ASH1L: variants seen among roughly 807,000 people sequenced by gnomAD.
ASH1L encodes ASH1 like histone lysine methyltransferase, also known as histone-lysine N-methyltransferase ASH1L.
In ASH1L, 23 loss-of-function variants were observed where a neutral mutation model predicts 269.0. The ratio of observed to expected loss-of-function variants is 0.09; its 90% confidence interval spans 0.06 to 0.12. The LOEUF is 0.12. Among genes scored for constraint, ASH1L ranks in the 10% least tolerant of loss-of-function variants. The pLI, the probability that ASH1L is intolerant of heterozygous loss-of-function variation, is 1.00. For missense variants in ASH1L, 2,912 were observed against 3,567.8 expected, an observed-to-expected ratio of 0.82 and a Z score of 4.68; for synonymous variants, 1,187 against 1,253.5, an observed-to-expected ratio of 0.95 and a Z score of 1.12.
At chr1:155,491,353 A>G (rs147091722) in intron 2 of ASH1L, among the ~76,000 whole-genome samples, 3,120 of 152,182 alleles carry the variant, frequency 0.021, 105 homozygotes, top group African/African-American at 0.072. Context: ...CTCCTGCCTC[A>G]GCCTCCCAAA....
chr1:155,374,506 C>T (rs545190883), intron 10 of ASH1L, among the ~76,000 whole-genome samples: 2 of 152,296 alleles, frequency 1.3e-5, no homozygotes, highest in African/African-American at 4.8e-5. Flanking sequence ...CTGGATTATT[C>T]TTCAATTTAA....
At chr1:155,446,300 ATT>A (rs35106620) in intron 4 of ASH1L, among the ~76,000 whole-genome samples, 20 of 139,900 alleles carry the variant, frequency 1.4e-4, no homozygotes, top group Non-Finnish European at 1.6e-4. Context: ...AATTAATTAA[ATT>A]TTTTTTTTTT....
At chr1:155,544,535 C>T (rs1423064307) in intron 1 of ASH1L, among the ~76,000 whole-genome samples, 1 of 152,016 alleles carries the variant, frequency 6.6e-6, no homozygotes, top group African/African-American at 2.4e-5. Flanking sequence ...GATCTGCCCG[C>T]CTCAGCCTCC....
At chr1:155,471,926 T>C (rs1665131591) in intron 3 of ASH1L, among the ~76,000 whole-genome samples, 1 of 152,150 alleles carries the variant, frequency 6.6e-6, no homozygotes, top group Non-Finnish European at 1.5e-5. Context: ...AACATCCAAT[T>C]GGTGATAGAG....
intron 3 of ASH1L, among the ~76,000 whole-genome samples, chr1:155,475,009 G>A (rs1483653828): frequency 6.6e-6 from 1 of 152,144 alleles, no homozygotes; most frequent in African/African-American, 2.4e-5. Context: ...TTAACACATT[G>A]TTTGGTCTCT....
intron 7 of ASH1L, among the ~76,000 whole-genome samples, chr1:155,383,227 T>C (rs1019523788): frequency 1.3e-5 from 2 of 151,682 alleles, no homozygotes; most frequent in Non-Finnish European, 3.0e-5. Flanking sequence ...AACTTAACTA[T>C]TGAGGAACAA....
intron 20 of ASH1L, 64 bp downstream of exon 20, chr1:155,347,592 C>T (rs1653470155): frequency 6.3e-7 from 1 of 1,597,594 alleles, no homozygotes; most frequent in Non-Finnish European, 8.5e-7. Context: ...GCATGGGCTT[C>T]TTCTTTGAAT....
intron 4 of ASH1L, among the ~76,000 whole-genome samples, chr1:155,441,284 T>C (rs529849380): frequency 4.0e-5 from 6 of 151,620 alleles, no homozygotes; most frequent in Non-Finnish European, 8.8e-5. Flanking sequence ...GGTCTGTCTC[T>C]CTCTCTATCT....
In ASH1L at chr1:155,480,605, A is replaced by G; in HGVS notation, c.2265T>C (p.Ser755=). 6.2e-7 allele frequency: 1 copy of G among 1,614,182 alleles called. No individual in the cohort carries two copies. Among genetic ancestry groups the G allele is most frequent in the Non-Finnish European group, 8.5e-7 (1 of 1,179,992 alleles). The change falls in exon 3 of 28, where the codon TCT becomes TCC. Residue 755 remains serine (S), a synonymous_variant. Coordinates refer to ENST00000392403, the MANE Select transcript of ASH1L (RefSeq NM_018489.3). ...TGTTTTTCATAAACTTGGCTGGCTC[A>G]GAATTACTATTTGATAGTGAGCTAC... ...VSCSSLSNSN[S]EPAKFMKNIG... is the part of the protein sequence containing the mutation.
intron 1 of ASH1L, among the ~76,000 whole-genome samples, chr1:155,545,065 G>A (rs925768287): frequency 5.3e-5 from 8 of 150,352 alleles, no homozygotes; most frequent in Non-Finnish European, 1.0e-4. Context: ...CCAGCTACTC[G>A]GGAGGCTGAG....
At chr1:155,511,415 T>C (rs1015423326) in intron 2 of ASH1L, among the ~76,000 whole-genome samples, 1 of 152,248 alleles carries the variant, frequency 6.6e-6, no homozygotes, top group Non-Finnish European at 1.5e-5. Flanking sequence ...ATTCCCTCTC[T>C]GGAGACTTTC....
At position 155,370,405 on chromosome 1, in the gene ASH1L, G is replaced by A. The variant is rs1197775742; in HGVS notation, c.6686+99C>T. 3 of 1,508,626 alleles carry A rather than the reference G, an allele frequency of 2.0e-6. No individual in the cohort carries two copies. The Admixed American group carries it at 5.1e-5, about 26-fold the overall frequency. 93.5% of individuals were successfully genotyped at this position (1,508,626 alleles called of 1,614,324 possible). On this transcript the variant is annotated intron_variant, in intron 12 of 27. Transcript: ENST00000392403. ...GGGGTAATGGGGAACAGCCTGAGCT[G>A]CTTTGTGTAAGCTGACTGACACTGG...
chr1:155,533,219 ATACT>A (rs920769077), intron 1 of ASH1L, among the ~76,000 whole-genome samples: 7 of 152,084 alleles, frequency 4.6e-5, no homozygotes, highest in African/African-American at 1.7e-4. Context: ...AAGTAATAAA[ATACT>A]TACTGAGTTC....
chr1:155,512,217 T>G (rs1668206637), intron 2 of ASH1L, among the ~76,000 whole-genome samples: 1 of 152,014 alleles, frequency 6.6e-6, no homozygotes, highest in Non-Finnish European at 1.5e-5. Flanking sequence ...CAGGGCTGCT[T>G]CTTTTGGAGC....
At chr1:155,424,180 T>C (rs879043876) in intron 5 of ASH1L, among the ~76,000 whole-genome samples, 1 of 152,216 alleles carries the variant, frequency 6.6e-6, no homozygotes, top group Admixed American at 6.5e-5. Context: ...ATAGGTCTCA[T>C]AGGGTCATTC....
At chr1:155,357,078 TACACAC>T (rs61213200) in intron 15 of ASH1L, among the ~76,000 whole-genome samples, 170 of 53,084 alleles carry the variant, frequency 3.2e-3, no homozygotes, top group East Asian at 4.2e-3. Flanking sequence ...ATCCCAGCTC[TACACAC>T]ACACACACAC....
intron 16 of ASH1L, among the ~76,000 whole-genome samples, chr1:155,353,750 G>A (rs553883391): frequency 2.6e-5 from 4 of 152,056 alleles, no homozygotes; most frequent in South Asian, 4.2e-4. Context: ...GAAATGACCC[G>A]TCCCCAGCTG....
chr1:155,421,854 A>G (rs889670590), intron 5 of ASH1L, among the ~76,000 whole-genome samples: 3 of 152,096 alleles, frequency 2.0e-5, no homozygotes, highest in African/African-American at 7.2e-5. Flanking sequence ...AAATGCATAT[A>G]CCATAATATC....
intron 2 of ASH1L, among the ~76,000 whole-genome samples, chr1:155,487,138 C>T (rs1358419797): frequency 6.6e-6 from 1 of 152,090 alleles, no homozygotes; most frequent in Admixed American, 6.5e-5. Context: ...GCAGTCCAGC[C>T]AGGGCAACAA....
Sources: gnomAD v4.1 joint callset for allele counts (sites outside exome capture counted in the v4.1 genomes callset) on GRCh38, gnomAD v4.1.1 for gene constraint, MANE v1.5 for transcripts, NCBI Gene and HGNC (gene_info 2026-07-23, HGNC 2026-07-21) for gene names.